The following MAP3K20 variants were observed in gnomAD, a reference collection of about 807,000 sequenced individuals.
MAP3K20 encodes the protein HCCS-4.
In MAP3K20, 40 loss-of-function variants were observed where a neutral mutation model predicts 85.7. That is an observed-to-expected ratio of 0.47 (90% CI 0.36 to 0.61). The LOEUF is 0.61. Ranked by LOEUF, MAP3K20 falls within the 20% of genes least tolerant of loss-of-function variation. The pLI, the probability that MAP3K20 is intolerant of heterozygous loss-of-function variation, is 0.00. For synonymous variants in MAP3K20, 325 were observed against 327.7 expected (o/e 0.99, Z 0.09); for missense variants, 817 against 961.7 (o/e 0.85, Z 1.99).
At chr2:173,248,542 G>A (rs1348227009) in intron 16 of MAP3K20, among the ~76,000 whole-genome samples, 1 of 152,232 alleles carries the variant, frequency 6.6e-6, no homozygotes, top group Non-Finnish European at 1.5e-5. Context: ...TGTCAAATGG[G>A]TTGGACAGCC....
chr2:173,090,817 C>T (rs534568778), intron 1 of MAP3K20, 181 bp from the exon 2 acceptor site: 30 of 1,230,336 alleles, frequency 2.4e-5, no homozygotes, highest in Admixed American at 1.2e-4. Context: ...TTGAATTTTG[C>T]GTGGGCTGCC....
chr2:173,149,251 A>G (rs1411028872), intron 2 of MAP3K20, among the ~76,000 whole-genome samples: 2 of 152,226 alleles, frequency 1.3e-5, no homozygotes, highest in African/African-American at 4.8e-5. Context: ...TTTGATTCTT[A>G]TAAAAACCCT....
chr2:173,124,029 T>G (rs940850099), intron 2 of MAP3K20, among the ~76,000 whole-genome samples: 3 of 152,206 alleles, frequency 2.0e-5, no homozygotes, highest in African/African-American at 7.2e-5. Context: ...TTGTTTCTGT[T>G]GGCACTTCAT....
chr2:173,115,565 G>A (rs1688097078), intron 2 of MAP3K20, among the ~76,000 whole-genome samples: 1 of 152,126 alleles, frequency 6.6e-6, no homozygotes, highest in Non-Finnish European at 1.5e-5. Flanking sequence ...AAGGTCTAGG[G>A]CTGAAGGCTG....
At chr2:173,254,722 CCTCA>C (rs1685120793) in intron 16 of MAP3K20, among the ~76,000 whole-genome samples, 1 of 152,164 alleles carries the variant, frequency 6.6e-6, no homozygotes, top group Non-Finnish European at 1.5e-5. Flanking sequence ...TGTGGACAAT[CCTCA>C]CTGACAATTT....
intron 10 of MAP3K20, chr2:173,210,080 G>A (rs59935415): frequency 0.071 from 30,478 of 430,636 alleles, 4,129 homozygotes; most frequent in East Asian, 0.57. Context: ...GGCCGGTCGC[G>A]GTGGCTCACG....
Position 173,190,900 on chromosome 2 carries a change from A to G in MAP3K20, c.421A>G (p.Ile141Val), listed in dbSNP as rs373719708. 5.0e-6 allele frequency: 8 copies of G among 1,593,594 alleles called. No homozygotes were observed. The highest frequency in any genetic ancestry group is 1.4e-5 in the African/African-American group (1 of 73,750). ...HRDLKSRNVV[I>V]AADGVLKICD... ...ATCCTTTTTTCTTTTTTTAGTTGTT[A>G]TAGCTGCTGATGGAGTATTGAAGGT... Residue 141 changes from isoleucine (I) to valine (V), a missense_variant, in exon 6 of 20, where the codon ATA becomes GTA. By Grantham distance (29) the Ile-to-Val change is conservative. Coordinates refer to ENST00000375213, the MANE Select transcript of MAP3K20 (RefSeq NM_016653.3).
chr2:173,212,450 T>A (rs1683934445), intron 10 of MAP3K20: 1 of 152,150 alleles, frequency 6.6e-6, no homozygotes, highest in Non-Finnish European at 1.5e-5. Context: ...TGCTATTTGA[T>A]CTATTACCGA....
At chr2:173,260,368 A>G (rs576862913) in intron 17 of MAP3K20, among the ~76,000 whole-genome samples, 21 of 152,304 alleles carry the variant, frequency 1.4e-4, no homozygotes, top group African/African-American at 5.1e-4. Flanking sequence ...ACTCAGTCTC[A>G]AAGAAAACCT....
At chr2:173,079,214 A>G (rs1686948034) in intron 1 of MAP3K20, among the ~76,000 whole-genome samples, 1 of 152,226 alleles carries the variant, frequency 6.6e-6, no homozygotes, top group African/African-American at 2.4e-5. Flanking sequence ...CAGTTGTAAC[A>G]CAGTAATAAG....
In MAP3K20 at chr2:173,244,834, C is replaced by T. The variant is rs1318407420; in HGVS notation, c.1359+5338C>T. On this transcript the variant is annotated intron_variant, in intron 16 of 19. Transcript: ENST00000375213. Reference sequence around the variant, plus strand: ...GAACCCAAGAAAAAAAGGCTTCCTCCACATCCCAATTAACCAAGTTCTCAG... The same window carrying T: ...GAACCCAAGAAAAAAAGGCTTCCTCTACATCCCAATTAACCAAGTTCTCAG... 7.9e-5 allele frequency among the ~76,000 whole-genome samples: 12 copies of T among 152,278 alleles called. No homozygotes were observed. The South Asian group carries it at 2.5e-3, about 32-fold the overall frequency.
At chr2:173,130,938 C>T (rs548868914) in intron 2 of MAP3K20, among the ~76,000 whole-genome samples, 2 of 152,280 alleles carry the variant, frequency 1.3e-5, no homozygotes, top group South Asian at 2.1e-4. Context: ...ATGACTAAAA[C>T]AAATAAGATG....
chr2:173,090,990 TTC>T lies in MAP3K20; in HGVS notation c.-34-6_-34-5del. 1.3e-6 allele frequency: 2 copies of T among 1,566,948 alleles called. No individual in the cohort carries two copies. The highest frequency in any genetic ancestry group is 1.7e-6 in the Non-Finnish European group (2 of 1,158,430). ...TAATTCAGCTTTTCTTTTTCTTTCT[TTC>T]TGCAGATTTTGTGGAAGTATAATAC... On this transcript the variant is annotated splice_polypyrimidine_tract_variant and splice_region_variant and intron_variant, in intron 1 of 19. Transcript: ENST00000375213.
intron 2 of MAP3K20, among the ~76,000 whole-genome samples, chr2:173,124,001 C>T (rs938407237): frequency 3.3e-5 from 5 of 152,152 alleles, no homozygotes; most frequent in African/African-American, 1.2e-4. Context: ...GGACAGCAGC[C>T]TCTTTGACTC....
At chr2:173,174,341 C>T (rs1690092608) in intron 3 of MAP3K20, among the ~76,000 whole-genome samples, 1 of 152,136 alleles carries the variant, frequency 6.6e-6, no homozygotes, top group Non-Finnish European at 1.5e-5. Context: ...TCCTAATGCT[C>T]TCCCTCCCCT....
intron 12 of MAP3K20, among the ~76,000 whole-genome samples, chr2:173,230,850 G>T (rs886399889): frequency 1.3e-5 from 2 of 152,096 alleles, no homozygotes; most frequent in African/African-American, 4.8e-5. Flanking sequence ...ACAAAAATCA[G>T]CCAGGTGTGG....
At chr2:173,141,272 G>T (rs1688965252) in intron 2 of MAP3K20, among the ~76,000 whole-genome samples, 1 of 152,122 alleles carries the variant, frequency 6.6e-6, no homozygotes. Flanking sequence ...TTAGACATGT[G>T]AAGTTGTAAT....
Position 173,076,018 on chromosome 2 carries a change from G to C in MAP3K20, c.-35+16G>C, listed in dbSNP as rs1335515312. On this transcript the variant is annotated intron_variant, in intron 1 of 19. Coordinates refer to ENST00000375213, the MANE Select transcript of MAP3K20 (RefSeq NM_016653.3). ...CGGGAGCCAGGTAGGGGTCAGGCTG[G>C]AGCCCGCGGAGGGCGGGGAGGGAGG... The C allele has an allele frequency of 1.0e-6, 1 of 984,262 alleles. No individual in the cohort carries two copies. Among genetic ancestry groups the C allele is most frequent in the Admixed American group, 6.2e-5 (1 of 16,198 alleles). 61.0% of individuals were successfully genotyped at this position (984,262 alleles called of 1,614,324 possible).
chr2:173,137,574 T>G (rs1688832203), intron 2 of MAP3K20, among the ~76,000 whole-genome samples: 2 of 152,194 alleles, frequency 1.3e-5, no homozygotes, highest in South Asian at 4.1e-4. Flanking sequence ...TGTGCATGTT[T>G]TATTTTGTCT....
Sources: gnomAD v4.1 joint callset for allele counts (sites outside exome capture counted in the v4.1 genomes callset) on GRCh38, gnomAD v4.1.1 for gene constraint, MANE v1.5 for transcripts, NCBI Gene and HGNC (gene_info 2026-07-23, HGNC 2026-07-21) for gene names.